The following EPHB1 variants were observed in gnomAD, a reference collection of about 807,000 sequenced individuals.
EPHB1 encodes EPH receptor B1, also known as ephrin type-B receptor 1.
EPHB1 carries 30 observed loss-of-function variants against 94.4 expected under a neutral mutation model. The ratio of observed to expected loss-of-function variants is 0.32; its 90% confidence interval spans 0.24 to 0.43. The LOEUF is 0.43. Among genes scored for constraint, EPHB1 ranks in the 20% least tolerant of loss-of-function variants. The pLI is 1.00. For synonymous variants in EPHB1, 522 were observed against 489.1 expected (o/e 1.07, Z -0.89); for missense variants, 1,055 against 1,308.3 (o/e 0.81, Z 2.99).
In EPHB1 at chr3:135,106,603, A is replaced by C; in HGVS notation, c.961A>C (p.Ser321Arg). ...TGACCCTCCAGAAGTGGCATGCACTAGTAAGTGTCTAGTAATGGCTCTGGG... is the reference window on the plus strand; with the variant it reads ...TGACCCTCCAGAAGTGGCATGCACTCGTAAGTGTCTAGTAATGGCTCTGGG... ...DFDPPEVACTSVPSGPRNVIS... is the reference protein window; with the variant it reads ...DFDPPEVACTRVPSGPRNVIS... Residue 321 changes from serine (S) to arginine (R), a missense_variant and splice_region_variant, in exon 4 of 16, where the codon AGC (serine) becomes CGC (arginine). Coordinates refer to ENST00000398015, the MANE Select transcript of EPHB1 (RefSeq NM_004441.5). 2 of 1,613,966 alleles carry C rather than the reference A, an allele frequency of 1.2e-6. No individual in the cohort carries two copies. The highest frequency in any genetic ancestry group is 2.2e-5 in the East Asian group (1 of 44,866).
chr3:135,144,200 C>T (rs1940931915), intron 5 of EPHB1, among the ~76,000 whole-genome samples: 2 of 152,200 alleles, frequency 1.3e-5, no homozygotes, highest in South Asian at 4.1e-4. Flanking sequence ...CTGCACTAAC[C>T]TCTGGGGACT....
rs78480790 is a variant in EPHB1 at position 135,110,622 on chromosome 3, G to T, written c.961+4019G>T. Among the ~76,000 whole-genome samples the T allele has an allele frequency of 1.2e-3, 184 of 152,328 alleles. 2 individuals are homozygous for T. The highest frequency in any genetic ancestry group is 4.2e-3 in the African/African-American group (174 of 41,582). The stretch of plus-strand genomic sequence containing the variant: ...AGCCAGCAAGCAAATGAAGCTCCAG[G>T]ATGAAAACTCAGGTCTGTCTGACTC... On this transcript the variant is annotated intron_variant, in intron 4 of 15. Transcript: ENST00000398015.
intron 3 of EPHB1, among the ~76,000 whole-genome samples, chr3:135,080,839 T>C (rs1938139180): frequency 6.6e-6 from 1 of 152,188 alleles, no homozygotes. Context: ...GCTAAGCCCT[T>C]AGCGCAGTGC....
intron 15 of EPHB1, among the ~76,000 whole-genome samples, chr3:135,252,040 A>G (rs971867181): frequency 2.0e-5 from 3 of 152,070 alleles, no homozygotes; most frequent in African/African-American, 4.8e-5. Context: ...AAATTATTAT[A>G]AATAATAATG....
chr3:134,815,819 T>C (rs1224700470), intron 1 of EPHB1, among the ~76,000 whole-genome samples: 4 of 152,248 alleles, frequency 2.6e-5, no homozygotes, highest in Admixed American at 6.5e-5. Flanking sequence ...AAATTTATTA[T>C]GAATATTTCC....
intron 1 of EPHB1, among the ~76,000 whole-genome samples, chr3:134,874,689 C>T (rs547488322): frequency 2.2e-4 from 33 of 152,168 alleles, no homozygotes; most frequent in Non-Finnish European, 4.4e-4. Context: ...CATTGACAAC[C>T]TCGTGGGTGG....
chr3:135,121,158 C>T (rs886787390), intron 4 of EPHB1, among the ~76,000 whole-genome samples: 1 of 152,214 alleles, frequency 6.6e-6, no homozygotes, highest in African/African-American at 2.4e-5. Flanking sequence ...GTTCTGCACT[C>T]CTGAGAGTGG....
chr3:134,810,578 A>G (rs1560243209), intron 1 of EPHB1, among the ~76,000 whole-genome samples: 1 of 152,190 alleles, frequency 6.6e-6, no homozygotes, highest in Non-Finnish European at 1.5e-5. Flanking sequence ...CAATTATAGT[A>G]TTGTCATAAT....
At chr3:134,965,227 A>G (rs1401199842) in intron 3 of EPHB1, among the ~76,000 whole-genome samples, 1 of 152,158 alleles carries the variant, frequency 6.6e-6, no homozygotes, top group East Asian at 1.9e-4. Context: ...TTTTCTTCTA[A>G]CATATTTTGA....
chr3:135,076,422 G>A (rs1477914978), intron 3 of EPHB1, among the ~76,000 whole-genome samples: 1 of 151,946 alleles, frequency 6.6e-6, no homozygotes, highest in African/African-American at 2.4e-5. Flanking sequence ...AAAACACAAT[G>A]ATATACTACT....
chr3:135,002,709 T>G (rs1277744019), intron 3 of EPHB1, among the ~76,000 whole-genome samples: 1 of 152,202 alleles, frequency 6.6e-6, no homozygotes, highest in Non-Finnish European at 1.5e-5. Context: ...GTGAAGGAAT[T>G]TATCCATTTC....
At chr3:135,037,608 A>G (rs890607508) in intron 3 of EPHB1, among the ~76,000 whole-genome samples, 18 of 152,226 alleles carry the variant, frequency 1.2e-4, no homozygotes, top group South Asian at 2.1e-4. Flanking sequence ...TTTACCATCT[A>G]TCTCCCCACC....
chr3:135,069,015 C>T (rs926545511), intron 3 of EPHB1, among the ~76,000 whole-genome samples: 14 of 146,010 alleles, frequency 9.6e-5, no homozygotes, highest in African/African-American at 2.3e-4. Context: ...AACTTTTGGC[C>T]GGGCGTGAGC....
At chr3:135,151,300 C>G (rs544573152) in intron 5 of EPHB1, among the ~76,000 whole-genome samples, 1 of 152,114 alleles carries the variant, frequency 6.6e-6, no homozygotes, top group Non-Finnish European at 1.5e-5. Context: ...CAGGGTCCTG[C>G]CCCCTGTGGA....
At chr3:134,797,081 T>C (rs1297651806) in intron 1 of EPHB1, among the ~76,000 whole-genome samples, 4 of 152,224 alleles carry the variant, frequency 2.6e-5, no homozygotes, top group Non-Finnish European at 5.9e-5. Flanking sequence ...ACGTTTGTTC[T>C]GGTGGCGGCG....
intron 1 of EPHB1, among the ~76,000 whole-genome samples, chr3:134,804,071 A>ATT (rs572201781): frequency 1.8e-4 from 8 of 43,766 alleles, no homozygotes; most frequent in African/African-American, 1.9e-4. Flanking sequence ...ATTATTGGCT[A>ATT]TTTTTTTTTT....
At chr3:135,148,036 T>C (rs1941070996) in intron 5 of EPHB1, among the ~76,000 whole-genome samples, 1 of 152,218 alleles carries the variant, frequency 6.6e-6, no homozygotes, top group African/African-American at 2.4e-5. Context: ...GTTATATCAT[T>C]TGTTAGGTCC....
At chr3:134,983,081 A>T (rs369093597) in intron 3 of EPHB1, among the ~76,000 whole-genome samples, 2 of 152,210 alleles carry the variant, frequency 1.3e-5, no homozygotes, top group East Asian at 1.9e-4. Flanking sequence ...GGCTTGGAGT[A>T]ACCTAGATTC....
intron 5 of EPHB1, among the ~76,000 whole-genome samples, chr3:135,134,563 G>A (rs56342381): frequency 0.086 from 13,136 of 152,222 alleles, 790 homozygotes; most frequent in African/African-American, 0.17. Context: ...CGTGTGTAGT[G>A]AGAAAATAAG....
Sources: gnomAD v4.1 joint callset for allele counts (sites outside exome capture counted in the v4.1 genomes callset) on GRCh38, gnomAD v4.1.1 for gene constraint, MANE v1.5 for transcripts, NCBI Gene and HGNC (gene_info 2026-07-23, HGNC 2026-07-21) for gene names.